AHDC1: variants seen among roughly 807,000 people sequenced by gnomAD.
AHDC1 encodes the protein transcription factor Gibbin.
In AHDC1, 7 loss-of-function variants were observed where a neutral mutation model predicts 87.9. The observed-to-expected ratio is 0.08, with a 90% CI of 0.05 to 0.15. The LOEUF (loss-of-function observed/expected upper bound fraction) is 0.15, where lower values mean the gene tolerates loss of function less well. Ranked by LOEUF, AHDC1 falls within the 10% of genes least tolerant of loss-of-function variation. The pLI is 1.00. For synonymous variants in AHDC1, 1,051 were observed against 1,006.8 expected (o/e 1.04, Z -0.83); for missense variants, 1,841 against 2,253.2 (o/e 0.82, Z 3.70).
intron 3 of AHDC1, among the ~76,000 whole-genome samples, chr1:27,567,110 GC>G (rs1192215235): frequency 6.6e-6 from 1 of 152,116 alleles, no homozygotes; most frequent in Non-Finnish European, 1.5e-5. Flanking sequence ...CCAGCTTCCT[GC>G]ATGCGCCTCA....
chr1:27,604,012 C>A (rs994204639), intron 1 of AHDC1, 94 bp downstream of exon 1: 7 of 149,096 alleles, frequency 4.7e-5, no homozygotes, highest in African/African-American at 1.7e-4. Context: ...CGCAGCCTGG[C>A]GGGTGGCTCG....
In AHDC1 at chr1:27,552,391, C is replaced by T. The variant is rs1033099339; in HGVS notation, c.-74-202G>A. 7.0e-5 allele frequency: 29 copies of T among 416,474 alleles called. 1 individual carries two copies. The highest frequency in any genetic ancestry group is 5.9e-4 in the African/African-American group (29 of 48,846). The allele number at this position is 416,474 out of a possible 1,614,324, so 25.8% of individuals were successfully genotyped here. On this transcript the variant is annotated intron_variant, in intron 7 of 8. Coordinates refer to ENST00000673934, the MANE Select transcript of AHDC1 (RefSeq NM_001371928.1). ...TGTGTATAGTGAGCCCCTCATGGGCCCAGTTTCACTTTTTTTTTTTTTTTT... is the reference window on the plus strand; with the variant it reads ...TGTGTATAGTGAGCCCCTCATGGGCTCAGTTTCACTTTTTTTTTTTTTTTT...
intron 3 of AHDC1, among the ~76,000 whole-genome samples, chr1:27,570,849 T>C (rs975860343): frequency 1.3e-5 from 2 of 151,976 alleles, no homozygotes; most frequent in Non-Finnish European, 2.9e-5. Flanking sequence ...CCCCTTTCCA[T>C]TCCTGCAAAC....
Position 27,548,359 on chromosome 1 carries a change from C to T in AHDC1, c.3757G>A (p.Ala1253Thr), listed in dbSNP as rs914335874. ...GGGTAGCCTGAGGCAGCGGCAGAGGCGGATGTCGGGAAGCCCAGATGTGAG... is the reference window on the plus strand; with the variant it reads ...GGGTAGCCTGAGGCAGCGGCAGAGGTGGATGTCGGGAAGCCCAGATGTGAG... ...EASHLGFPTS[A>T]SAAASGYPSK... Residue 1253 changes from alanine (A) to threonine (T), a missense_variant, in exon 8 of 9, where the codon GCC becomes ACC. Ala to Thr is a moderately conservative substitution (Grantham distance 58). Coordinates refer to ENST00000673934, the MANE Select transcript of AHDC1 (RefSeq NM_001371928.1). The T allele has an allele frequency of 1.0e-5, 16 of 1,606,254 alleles. No homozygotes were observed. The African/African-American group carries it at 1.6e-4, about 16-fold the overall frequency.
At chr1:27,583,642 T>A (rs1392255075) in intron 3 of AHDC1, among the ~76,000 whole-genome samples, 2 of 152,142 alleles carry the variant, frequency 1.3e-5, no homozygotes, top group African/African-American at 4.8e-5. Context: ...CTAACCCGTC[T>A]CTTAATCAGG....
intron 3 of AHDC1, among the ~76,000 whole-genome samples, chr1:27,577,434 G>C (rs1349410954): frequency 6.6e-6 from 1 of 152,148 alleles, no homozygotes; most frequent in Non-Finnish European, 1.5e-5. Flanking sequence ...CCAAGTGTCA[G>C]TCCCAGACTA....
chr1:27,536,228 C>G (rs1293700710), intron 8 of AHDC1, among the ~76,000 whole-genome samples: 1 of 152,246 alleles, frequency 6.6e-6, no homozygotes, highest in African/African-American at 2.4e-5. Context: ...GCTGGGCAGT[C>G]AGCCCCGGGG....
In AHDC1 at chr1:27,548,669, T is replaced by C. The variant is rs535125663; in HGVS notation, c.3447A>G (p.Thr1149=). 39 of 1,613,282 alleles carry C rather than the reference T, an allele frequency of 2.4e-5. No individual in the cohort carries two copies. The South Asian group carries it at 4.3e-4, about 18-fold the overall frequency. ...PNVILDISNY[T]PQKVKQQTAV... is the part of the protein sequence containing the mutation. ...CCGTCTGCTGCTTCACCTTCTGCGG[T>C]GTGTAGTTGGAGATGTCCAGGATCA... is the stretch of plus-strand genomic sequence containing the variant. The change falls in exon 8 of 9, where the codon ACA becomes ACG. Residue 1149 remains threonine (T), a synonymous_variant. Coordinates refer to ENST00000673934, the MANE Select transcript of AHDC1 (RefSeq NM_001371928.1).
intron 3 of AHDC1, among the ~76,000 whole-genome samples, chr1:27,575,965 C>T (rs759902775): frequency 1.3e-5 from 2 of 152,064 alleles, no homozygotes; most frequent in Admixed American, 6.5e-5. Flanking sequence ...GGCTCTGCCC[C>T]GGCCCGGGGA....
intron 3 of AHDC1, among the ~76,000 whole-genome samples, chr1:27,573,783 C>T (rs140562771): frequency 1.3e-5 from 2 of 152,200 alleles, no homozygotes; most frequent in Admixed American, 1.3e-4. Context: ...TGCCAGGAAG[C>T]CTCTGCGATG....
intron 3 of AHDC1, among the ~76,000 whole-genome samples, chr1:27,587,066 C>G (rs2089080540): frequency 6.6e-6 from 1 of 152,166 alleles, no homozygotes; most frequent in Admixed American, 6.5e-5. Flanking sequence ...CTGCTGAGGC[C>G]CAGAATCCCA....
In AHDC1 at chr1:27,562,336, C is replaced by T. The variant is rs907040816; in HGVS notation, c.-628-3453G>A. On this transcript the variant is annotated intron_variant, in intron 3 of 8. Coordinates refer to ENST00000673934, the MANE Select transcript of AHDC1 (RefSeq NM_001371928.1). The surrounding 1 kb of genome is among the most constrained non-coding windows in gnomAD (Gnocchi z 4.4). The stretch of plus-strand genomic sequence containing the variant: ...CCAATATCCTCCCCGGTGCACTGAT[C>T]GACTGACTACCTGAGCTCCCGGCCC... Among the ~76,000 whole-genome samples, 2 of 152,102 alleles carry T rather than the reference C, an allele frequency of 1.3e-5. No individual in the cohort carries two copies. The highest frequency in any genetic ancestry group is 2.4e-5 in the African/African-American group (1 of 41,402).
Position 27,563,343 on chromosome 1 carries a change from A to C in AHDC1, c.-628-4460T>G, listed in dbSNP as rs1431164913. 1.4e-5 allele frequency among the ~76,000 whole-genome samples: 2 copies of C among 147,518 alleles called. No individual in the cohort carries two copies. Among genetic ancestry groups the C allele is most frequent in the African/African-American group, 5.3e-5 (2 of 37,882 alleles). On this transcript the variant is annotated intron_variant, in intron 3 of 8. Coordinates refer to ENST00000673934, the MANE Select transcript of AHDC1 (RefSeq NM_001371928.1). The surrounding 1 kb of genome is among the most constrained non-coding windows in gnomAD (Gnocchi z 6.1). ...ACAGAACCTGTCACACAGCTGACCA[A>C]GACACACACACACACACACACACAC... is the stretch of plus-strand genomic sequence containing the variant.
intron 3 of AHDC1, among the ~76,000 whole-genome samples, chr1:27,600,462 C>CA (rs933187847): frequency 0.044 from 5,381 of 120,978 alleles, 170 homozygotes; most frequent in African/African-American, 0.11. Flanking sequence ...TTCTACAAAC[C>CA]AAAAAAAAAA....
chr1:27,536,139 C>G (rs1166335172), intron 8 of AHDC1, among the ~76,000 whole-genome samples: 2 of 152,254 alleles, frequency 1.3e-5, no homozygotes, highest in Non-Finnish European at 2.9e-5. Flanking sequence ...CGGCAGAAAG[C>G]CTCTCCTCCC....
At chr1:27,544,924 C>G (rs1397286611) in intron 8 of AHDC1, among the ~76,000 whole-genome samples, 1 of 152,188 alleles carries the variant, frequency 6.6e-6, no homozygotes, top group East Asian at 1.9e-4. Context: ...CCTTCTAATG[C>G]CCCGCATGAT....
At chr1:27,564,406 G>T (rs1412237637) in intron 3 of AHDC1, among the ~76,000 whole-genome samples, 1 of 152,240 alleles carries the variant, frequency 6.6e-6, no homozygotes, top group Non-Finnish European at 1.5e-5. Flanking sequence ...CTGCTCCCCT[G>T]CTTCCTCACA....
intron 3 of AHDC1, among the ~76,000 whole-genome samples, chr1:27,573,174 T>C (rs1012472653): frequency 6.6e-6 from 1 of 152,116 alleles, no homozygotes. Flanking sequence ...CGAGCTGACT[T>C]GGTTCTCTGT....
At chr1:27,575,991 A>G (rs1314200148) in intron 3 of AHDC1, among the ~76,000 whole-genome samples, 2 of 151,942 alleles carry the variant, frequency 1.3e-5, no homozygotes, top group Admixed American at 1.3e-4. Flanking sequence ...GGCGCCCGGC[A>G]GCGGTCCGGA....
Sources: gnomAD v4.1 joint callset for allele counts (sites outside exome capture counted in the v4.1 genomes callset) on GRCh38, gnomAD v4.1.1 for gene constraint, Gnocchi (gnomAD v3.1) non-coding constraint, MANE v1.5 for transcripts, NCBI Gene and HGNC (gene_info 2026-07-23, HGNC 2026-07-21) for gene names.